TSPAN18: variants seen among roughly 807,000 people sequenced by gnomAD.
TSPAN18 encodes the protein tetraspanin 18.
TSPAN18 carries 14 observed loss-of-function variants against 27.3 expected under a neutral mutation model. The ratio of observed to expected loss-of-function variants is 0.51; its 90% CI spans 0.34 to 0.80. The LOEUF is 0.80. Ranked by LOEUF, TSPAN18 falls within the 30% of genes least tolerant of loss-of-function variation. The probability of loss-of-function intolerance (pLI) is 0.01; values close to 1 mark genes in which losing one functional copy is unlikely to be tolerated. For synonymous variants in TSPAN18, 143 were observed against 136.5 expected, an observed-to-expected ratio of 1.05 and a Z score of -0.33; for missense variants, 268 against 323.9, an observed-to-expected ratio of 0.83 and a Z score of 1.32.
At chr11:44,825,985 AT>A (rs1857033334) in intron 2 of TSPAN18, among the ~76,000 whole-genome samples, 1 of 152,124 alleles carries the variant, frequency 6.6e-6, no homozygotes. Flanking sequence ...CTCAGCCTGC[AT>A]TTCCCATCAT....
chr11:44,793,320 A>G (rs1270841863), intron 2 of TSPAN18, among the ~76,000 whole-genome samples: 1 of 152,102 alleles, frequency 6.6e-6, no homozygotes, highest in African/African-American at 2.4e-5. Flanking sequence ...GAACAGAGCC[A>G]CTCCAGGGAC....
At chr11:44,830,272 G>A (rs977142583) in intron 2 of TSPAN18, among the ~76,000 whole-genome samples, 4 of 152,070 alleles carry the variant, frequency 2.6e-5, no homozygotes, top group African/African-American at 9.7e-5. Context: ...CTTCTCTCTC[G>A]TCCCACTCTA....
In TSPAN18 at chr11:44,848,675, G is replaced by A. The variant is rs561678806; in HGVS notation, c.-152-11653G>A. ...CACCAGACTCATGATGTGGGAAGAG[G>A]CCAGCGGCACCCAGGGAAGCAATCA... On this transcript the variant is annotated intron_variant, in intron 2 of 9. Coordinates refer to ENST00000520358, the MANE Select transcript of TSPAN18 (RefSeq NM_130783.5). Among the ~76,000 whole-genome samples the A allele has an allele frequency of 2.0e-5, 3 of 152,360 alleles. No individual in the cohort carries two copies. In the South Asian group the frequency reaches 6.2e-4, roughly 32 times the overall value.
chr11:44,804,181 G>A (rs1856542825), intron 2 of TSPAN18, among the ~76,000 whole-genome samples: 1 of 151,974 alleles, frequency 6.6e-6, no homozygotes, highest in Non-Finnish European at 1.5e-5. Context: ...TCAGCTCACT[G>A]CAACCTCCAC....
At chr11:44,868,813 C>T (rs1453766270) in intron 3 of TSPAN18, among the ~76,000 whole-genome samples, 7 of 152,210 alleles carry the variant, frequency 4.6e-5, no homozygotes, top group South Asian at 2.1e-4. Flanking sequence ...TGAAATAGGC[C>T]GCTGGCTGGA....
chr11:44,801,496 G>C (rs1856478897), intron 2 of TSPAN18, among the ~76,000 whole-genome samples: 1 of 152,154 alleles, frequency 6.6e-6, no homozygotes, highest in Non-Finnish European at 1.5e-5. Context: ...ACCTGTGGAA[G>C]GAAATAATAT....
intron 9 of TSPAN18, among the ~76,000 whole-genome samples, chr11:44,927,698 G>T (rs1236597461): frequency 6.6e-6 from 1 of 152,180 alleles, no homozygotes; most frequent in Non-Finnish European, 1.5e-5. Flanking sequence ...GGGCAACAAT[G>T]AACAAGATAA....
At chr11:44,855,147 AG>A (rs1227509051) in intron 2 of TSPAN18, among the ~76,000 whole-genome samples, 1 of 149,338 alleles carries the variant, frequency 6.7e-6, no homozygotes, top group Non-Finnish European at 1.5e-5. Context: ...TTCATCCTGA[AG>A]GTTTTTTTTT....
chr11:44,800,148 C>T (rs926510510), intron 2 of TSPAN18, among the ~76,000 whole-genome samples: 3 of 151,940 alleles, frequency 2.0e-5, no homozygotes, highest in African/African-American at 4.8e-5. Flanking sequence ...TGAGCCACTG[C>T]GCCCAGCCTG....
At chr11:44,846,471 T>C (rs1857484376) in intron 2 of TSPAN18, among the ~76,000 whole-genome samples, 1 of 152,222 alleles carries the variant, frequency 6.6e-6, no homozygotes, top group African/African-American at 2.4e-5. Flanking sequence ...TCCCCTGACC[T>C]GTGAAACCTG....
intron 9 of TSPAN18, among the ~76,000 whole-genome samples, chr11:44,927,253 C>T (rs556331720): frequency 6.6e-6 from 1 of 152,318 alleles, no homozygotes; most frequent in South Asian, 2.1e-4. Context: ...TCCTGCAGAC[C>T]GTTTGCAATC....
At chr11:44,926,903 C>G (rs572180656) in intron 9 of TSPAN18, 146 bp downstream of exon 9, 3 of 738,896 alleles carry the variant, frequency 4.1e-6, no homozygotes, top group Admixed American at 4.7e-5. Flanking sequence ...GTGGTAAGCC[C>G]GGCTGTGTCT....
intron 2 of TSPAN18, among the ~76,000 whole-genome samples, chr11:44,807,083 G>A (rs1856608140): frequency 6.6e-6 from 1 of 151,526 alleles, no homozygotes; most frequent in Admixed American, 6.6e-5. Context: ...ACAAGCCAGG[G>A]ACAGTCACTC....
At chr11:44,897,468 T>C (rs913030753) in intron 3 of TSPAN18, among the ~76,000 whole-genome samples, 32 of 152,316 alleles carry the variant, frequency 2.1e-4, no homozygotes, top group Middle Eastern at 6.8e-3. Flanking sequence ...CGTGTCAGCA[T>C]ACATGAAGCC....
At chr11:44,822,547 T>C (rs1856948952) in intron 2 of TSPAN18, among the ~76,000 whole-genome samples, 1 of 151,664 alleles carries the variant, frequency 6.6e-6, no homozygotes, top group Non-Finnish European at 1.5e-5. Context: ...TGGGCGTCAC[T>C]TCCACTATCA....
At chr11:44,784,478 GC>G (rs1856009856) in intron 2 of TSPAN18, among the ~76,000 whole-genome samples, 3 of 152,208 alleles carry the variant, frequency 2.0e-5, no homozygotes, top group African/African-American at 7.2e-5. Flanking sequence ...AGGCATGAAT[GC>G]CCCTAGGTCG....
At chr11:44,928,233 C>T (rs904449213) in intron 9 of TSPAN18, among the ~76,000 whole-genome samples, 28 of 152,224 alleles carry the variant, frequency 1.8e-4, no homozygotes, top group Non-Finnish European at 3.4e-4. Context: ...CTCATAACTC[C>T]GGGAAGGGCT....
At chr11:44,767,674 A>G (rs1855599605) in intron 2 of TSPAN18, among the ~76,000 whole-genome samples, 1 of 152,252 alleles carries the variant, frequency 6.6e-6, no homozygotes, top group Admixed American at 6.5e-5. Flanking sequence ...CTAAGAATCC[A>G]TTGCCAAATT....
intron 3 of TSPAN18, among the ~76,000 whole-genome samples, chr11:44,883,441 T>C (rs1455300360): frequency 6.6e-6 from 1 of 152,230 alleles, no homozygotes; most frequent in Non-Finnish European, 1.5e-5. Context: ...CAGCGCGTGC[T>C]TCTTTTCCGT....
Sources: allele counts gnomAD v4.1 joint callset (sites outside exome capture counted in the v4.1 genomes callset), GRCh38; gene constraint gnomAD v4.1.1; transcripts MANE v1.5; gene names NCBI Gene and HGNC (gene_info 2026-07-23, HGNC 2026-07-21).